FGL1: variants seen among roughly 807,000 people sequenced by gnomAD.
The protein encoded by FGL1 is fibrinogen-like protein 1.
In FGL1, 59 loss-of-function variants were observed where a neutral mutation model predicts 43.7. The observed-to-expected ratio is 1.35, with a 90% confidence interval of 1.10 to 1.68. The LOEUF is 1.68. Among genes scored for constraint, FGL1 ranks in the 40% most tolerant of loss-of-function variants. The pLI is 0.00. For missense variants in FGL1, 596 were observed against 373.0 expected (o/e 1.60, Z -4.92); for synonymous variants, 192 against 126.5 (o/e 1.52, Z -3.48).
At chr8:17,868,855 G>A in intron 6 of FGL1, 61 bp downstream of exon 6, 2 of 1,461,728 alleles carry the variant, frequency 1.4e-6, no homozygotes, top group Non-Finnish European at 1.9e-6. Context: ...ACTGACTCCA[G>A]GGTTATATTG....
Position 17,882,037 on chromosome 8 carries a change from T to C in FGL1, c.206A>G (p.Asn69Ser), listed in dbSNP as rs201668151. 30 of 1,614,008 alleles carry C rather than the reference T, an allele frequency of 1.9e-5. 1 individual carries two copies. In the East Asian group the frequency reaches 3.1e-4, roughly 17 times the overall value. The change falls in exon 3 of 8, where the codon AAT (asparagine) becomes AGT (serine). Residue 69 changes from asparagine to serine, a missense_variant. Coordinates refer to ENST00000427924, the MANE Select transcript of FGL1 (RefSeq NM_004467.4). ...EVQFLDKGDE[N>S]TVIDLGSKRQ... Reference sequence around the variant, plus strand: ...CTTGCTTCCAAGATCAATGACAGTATTCTCATCTCCTTTATCAAGGAACTG... The same window carrying C: ...CTTGCTTCCAAGATCAATGACAGTACTCTCATCTCCTTTATCAAGGAACTG...
intron 5 of FGL1, among the ~76,000 whole-genome samples, chr8:17,873,376 C>T (rs1438944449): frequency 3.3e-5 from 5 of 152,076 alleles, no homozygotes; most frequent in African/African-American, 7.2e-5. Context: ...TGAATCCTTC[C>T]ATCCCAGAGC....
At chr8:17,873,628 T>G (rs1489690407) in intron 5 of FGL1, among the ~76,000 whole-genome samples, 3 of 151,762 alleles carry the variant, frequency 2.0e-5, no homozygotes, top group African/African-American at 4.8e-5. Context: ...AAAGGAATAA[T>G]TATGACATTA....
At chr8:17,872,814 A>T (rs1435476277) in intron 5 of FGL1, among the ~76,000 whole-genome samples, 1 of 152,208 alleles carries the variant, frequency 6.6e-6, no homozygotes, top group Non-Finnish European at 1.5e-5. Flanking sequence ...TTAGACAAAT[A>T]TTAAACTCTA....
At chr8:17,893,331 C>T (rs1585155439) in intron 1 of FGL1, among the ~76,000 whole-genome samples, 1 of 151,834 alleles carries the variant, frequency 6.6e-6, no homozygotes, top group South Asian at 2.1e-4. Flanking sequence ...GAATGATGCA[C>T]CTATATATCA....
At chr8:17,890,572 C>T (rs2053689705) in intron 1 of FGL1, among the ~76,000 whole-genome samples, 1 of 152,166 alleles carries the variant, frequency 6.6e-6, no homozygotes. Flanking sequence ...GAGATACCTT[C>T]CCTGACTACC....
At chr8:17,876,634 T>C (rs2053459989) in intron 3 of FGL1, among the ~76,000 whole-genome samples, 3 of 152,214 alleles carry the variant, frequency 2.0e-5, no homozygotes, top group Non-Finnish European at 4.4e-5. Flanking sequence ...GTCAAGTATA[T>C]AGTACAACAC....
In FGL1 at chr8:17,874,052, C is replaced by T; in HGVS notation, c.469G>A (p.Gly157Ser). The change falls in exon 5 of 8, where the codon GGC becomes AGC. Residue 157 changes from glycine (G) to serine (S), a missense_variant. Physicochemically the swap from Gly to Ser is moderately conservative, Grantham distance 56. Transcript: ENST00000427924. ...FVQKHGEYWL[G>S]NKNLHFLTTQ... ...GTCAAGAAGTGAAGATTTTTATTGC[C>T]CAGCCAATATTCACCATGTTTTTGG... 1 of 1,610,722 alleles carries T rather than the reference C, an allele frequency of 6.2e-7. No homozygotes were observed. The highest frequency in any genetic ancestry group is 8.5e-7 in the Non-Finnish European group (1 of 1,179,070).
intron 3 of FGL1, among the ~76,000 whole-genome samples, chr8:17,876,503 C>T (rs2517299): frequency 0.73 from 110,875 of 151,758 alleles, 40,989 homozygotes; most frequent in Non-Finnish European, 0.79. Context: ...GAAGCACATG[C>T]GTTCATATAC....
Position 17,882,100 on chromosome 8 carries a change from T to C in FGL1, c.143A>G (p.Gln48Arg), listed in dbSNP as rs770049664. The change falls in exon 3 of 8, where the codon CAG (glutamine) becomes CGG (arginine). Residue 48 changes from glutamine to arginine, a missense_variant. Coordinates refer to ENST00000427924, the MANE Select transcript of FGL1 (RefSeq NM_004467.4). ...CTGCAAAAGCTGCTTGATCTTGACC[T>C]GTTGCTGTTTGACCCGGGTCTCAAG... ...RLLETRVKQQ[Q>R]VKIKQLLQEN... 6.2e-7 allele frequency: 1 copy of C among 1,614,100 alleles called. No individual in the cohort carries two copies. Among genetic ancestry groups the C allele is most frequent in the East Asian group, 2.2e-5 (1 of 44,854 alleles).
chr8:17,874,181 C>G (rs2053408206), intron 4 of FGL1, 65 bp from the exon 5 acceptor site: 1 of 1,395,486 alleles, frequency 7.2e-7, no homozygotes, highest in Non-Finnish European at 1.0e-6. Context: ...GCGACCACCA[C>G]CCACCCCCTG....
chr8:17,873,615 CA>C (rs1245851992), intron 5 of FGL1, among the ~76,000 whole-genome samples: 2 of 151,422 alleles, frequency 1.3e-5, no homozygotes, highest in Admixed American at 6.6e-5. Context: ...CTCAAGGCAT[CA>C]AAAAGGAATA....
In FGL1 at chr8:17,868,768, A is replaced by T. The variant is rs780625014; in HGVS notation, c.592-33T>A. 3.8e-6 allele frequency: 6 copies of T among 1,581,802 alleles called. No homozygotes were observed. The African/African-American group carries it at 8.2e-5, about 21-fold the overall frequency. ...AAAAGGGCATTTCTGCTGTCAGTGG[A>T]GTTCCTCTATGACCATTTTAAAATT... On this transcript the variant is annotated intron_variant, in intron 6 of 7. Transcript: ENST00000427924.
At chr8:17,895,198 T>C (rs391297) in intron 1 of FGL1, 32,178 of 773,954 alleles carry the variant, frequency 0.042, 1,857 homozygotes, top group African/African-American at 0.24. Flanking sequence ...AAATTTTCCA[T>C]TTTCCTCATT....
chr8:17,864,817 T>A (rs2053245891), intron 7 of FGL1, 66 bp from the exon 8 acceptor site: 1 of 1,271,774 alleles, frequency 7.9e-7, no homozygotes, highest in African/African-American at 1.5e-5. Context: ...CAGAATCCCT[T>A]TTATTTTGCT....
chr8:17,871,503 CA>C (rs1380398006), intron 5 of FGL1, among the ~76,000 whole-genome samples: 14 of 114,454 alleles, frequency 1.2e-4, no homozygotes, highest in Middle Eastern at 4.5e-3. Flanking sequence ...AAAAAAAAAA[CA>C]AAAAAAAAAA....
chr8:17,869,405 G>T (rs568604849), intron 5 of FGL1, among the ~76,000 whole-genome samples: 126 of 152,230 alleles, frequency 8.3e-4, no homozygotes, highest in African/African-American at 3.0e-3. Context: ...ATAAATGGTG[G>T]CTATTAATGA....
At chr8:17,881,493 C>G (rs369024733) in intron 3 of FGL1, among the ~76,000 whole-genome samples, 1 of 151,226 alleles carries the variant, frequency 6.6e-6, no homozygotes, top group Non-Finnish European at 1.5e-5. Flanking sequence ...GATATAAATT[C>G]TCAGATATTT....
Position 17,869,047 on chromosome 8 carries a change from C to T in FGL1, c.503-43G>A, listed in dbSNP as rs1457015075. 5 of 1,255,882 alleles carry T rather than the reference C, an allele frequency of 4.0e-6. No individual in the cohort carries two copies. In the South Asian group the frequency reaches 6.5e-5, roughly 16 times the overall value. 77.8% of individuals were successfully genotyped at this position (1,255,882 alleles called of 1,614,324 possible). ...AATTATAATTTTTAAAAATGTGTGA[C>T]ATGACACGGACTACTGCGGTTTAAA... On this transcript the variant is annotated intron_variant, in intron 5 of 7. Coordinates refer to ENST00000427924, the MANE Select transcript of FGL1 (RefSeq NM_004467.4).
Sources: gnomAD v4.1 joint callset for allele counts (sites outside exome capture counted in the v4.1 genomes callset) on GRCh38, gnomAD v4.1.1 for gene constraint, MANE v1.5 for transcripts, NCBI Gene and HGNC (gene_info 2026-07-23, HGNC 2026-07-21) for gene names.